ADGRL3: variants seen among roughly 807,000 people sequenced by gnomAD.
ADGRL3 encodes calcium-independent alpha-latrotoxin receptor 3.
A neutral mutation model predicts 153.5 loss-of-function variants in ADGRL3; 62 were observed. That is an observed-to-expected ratio of 0.40 (90% confidence interval 0.33 to 0.50). The LOEUF is 0.50. Ranked by LOEUF, ADGRL3 falls within the 20% of genes least tolerant of loss-of-function variation. The pLI, the probability that ADGRL3 is intolerant of heterozygous loss-of-function variation, is 0.47. For missense variants in ADGRL3, 1,641 were observed against 1,859.4 expected, an observed-to-expected ratio of 0.88 and a Z score of 2.16; for synonymous variants, 710 against 672.5, an observed-to-expected ratio of 1.06 and a Z score of -0.86.
chr4:61,511,344 G>A (rs541921780), intron 3 of ADGRL3, among the ~76,000 whole-genome samples: 11 of 152,278 alleles, frequency 7.2e-5, no homozygotes, highest in South Asian at 2.1e-4. Context: ...GCACTCTCCA[G>A]CCTGGTGACA....
At position 61,467,797 on chromosome 4, in the gene ADGRL3, A is replaced by G. The variant is rs576650270; in HGVS notation, c.-173-29324A>G. ...AAATATTGATGCAAAATGCCTAACTACATCATATTACTTGTTCTTTTCTTC... is the reference window on the plus strand; with the variant it reads ...AAATATTGATGCAAAATGCCTAACTGCATCATATTACTTGTTCTTTTCTTC... On this transcript the variant is annotated intron_variant, in intron 2 of 26. Coordinates refer to ENST00000683033, the MANE Select transcript of ADGRL3 (RefSeq NM_001387552.1). Among the ~76,000 whole-genome samples the G allele has an allele frequency of 2.0e-4, 30 of 152,286 alleles. No individual in the cohort carries two copies. The South Asian group carries it at 2.9e-3, about 15-fold the overall frequency.
chr4:61,822,212 A>C (rs1410270568), intron 9 of ADGRL3, among the ~76,000 whole-genome samples: 1 of 152,204 alleles, frequency 6.6e-6, no homozygotes, highest in East Asian at 1.9e-4. Flanking sequence ...CTGTGTTCCT[A>C]TGCTTGTAAA....
At chr4:61,473,495 A>G (rs1241727640) in intron 2 of ADGRL3, among the ~76,000 whole-genome samples, 2 of 152,066 alleles carry the variant, frequency 1.3e-5, no homozygotes, top group Non-Finnish European at 2.9e-5. Flanking sequence ...ACATGGATCC[A>G]GCACTTACTT....
At chr4:61,593,000 G>A (rs1358564449) in intron 5 of ADGRL3, among the ~76,000 whole-genome samples, 18 of 151,980 alleles carry the variant, frequency 1.2e-4, no homozygotes, top group Non-Finnish European at 2.9e-5. Flanking sequence ...TCTTTTCTGT[G>A]TATCCATTGC....
At chr4:62,005,399 C>G (rs1412311818) in intron 21 of ADGRL3, among the ~76,000 whole-genome samples, 2 of 152,130 alleles carry the variant, frequency 1.3e-5, no homozygotes, top group African/African-American at 4.8e-5. Flanking sequence ...TGAAGGATGA[C>G]TGCCATAGGC....
At chr4:61,799,418 CTTTCTA>C (rs1297900428) in intron 8 of ADGRL3, among the ~76,000 whole-genome samples, 1 of 151,886 alleles carries the variant, frequency 6.6e-6, no homozygotes, top group Non-Finnish European at 1.5e-5. Flanking sequence ...TCCTCTTTCT[CTTTCTA>C]TAACTACTTC....
Position 61,466,847 on chromosome 4 carries a change from AT to A in ADGRL3, c.-173-30264del, listed in dbSNP as rs994563377. 1.9e-4 allele frequency among the ~76,000 whole-genome samples: 28 copies of A among 150,858 alleles called. 1 individual carries two copies. The highest frequency in any genetic ancestry group is 6.1e-4 in the African/African-American group (25 of 41,146). The stretch of plus-strand genomic sequence containing the variant: ...TGGTTATTTTAGACAAGCTCCTAGA[AT>A]TTTTTTTTTATCTTGAGTGGCCACA... On this transcript the variant is annotated intron_variant, in intron 2 of 26. Coordinates refer to ENST00000683033, the MANE Select transcript of ADGRL3 (RefSeq NM_001387552.1).
At position 61,700,409 on chromosome 4, in the gene ADGRL3, A is replaced by C. The variant is rs538913132; in HGVS notation, c.583+23474A>C. On this transcript the variant is annotated intron_variant, in intron 6 of 26. Transcript: ENST00000683033. ...TTTTGATTGAAGAGTATTACTTGTC[A>C]GTTTAAAAGAAGACAAAAGTATTAC... Among the ~76,000 whole-genome samples the C allele has an allele frequency of 2.6e-5, 4 of 152,324 alleles. No homozygotes were observed. In the South Asian group the frequency reaches 8.3e-4, roughly 32 times the overall value.
At chr4:61,900,516 G>A (rs1376311) in intron 11 of ADGRL3, among the ~76,000 whole-genome samples, 7,725 of 152,084 alleles carry the variant, frequency 0.051, 319 homozygotes, top group East Asian at 0.19. Context: ...TAAACTAGCT[G>A]GAATACATTC....
At chr4:61,430,376 T>C (rs568636569) in intron 2 of ADGRL3, among the ~76,000 whole-genome samples, 1 of 152,258 alleles carries the variant, frequency 6.6e-6, no homozygotes, top group African/African-American at 2.4e-5. Context: ...TTGCATTTAA[T>C]TATGTCCTAA....
intron 6 of ADGRL3, among the ~76,000 whole-genome samples, chr4:61,716,003 C>G (rs2096106496): frequency 6.9e-6 from 1 of 145,238 alleles, no homozygotes; most frequent in Admixed American, 6.9e-5. Context: ...AGGAAAAGTA[C>G]TATTTCTACC....
intron 4 of ADGRL3, among the ~76,000 whole-genome samples, chr4:61,548,307 G>C (rs533173374): frequency 1.3e-5 from 2 of 152,058 alleles, no homozygotes; most frequent in African/African-American, 2.4e-5. Context: ...GTCAATTTTT[G>C]TTGTTGTTGC....
chr4:61,362,457 T>C (rs949113343), intron 1 of ADGRL3, among the ~76,000 whole-genome samples: 3 of 152,028 alleles, frequency 2.0e-5, no homozygotes, highest in Admixed American at 2.0e-4. Context: ...TGAGAATAAC[T>C]TCTTCCTCCT....
At chr4:61,889,732 C>T (rs2098558641) in intron 9 of ADGRL3, among the ~76,000 whole-genome samples, 1 of 152,104 alleles carries the variant, frequency 6.6e-6, no homozygotes, top group South Asian at 2.1e-4. Context: ...TGCTAAAATA[C>T]ATATATCACA....
chr4:61,611,253 A>G lies in ADGRL3; in HGVS notation c.473+23813A>G, dbSNP rs551828674. ...AGATGAGATGCGGAAGAACCCTTAC[A>G]GGTACTCAAAACAATGGCCTAGAAA... On this transcript the variant is annotated intron_variant, in intron 5 of 26. Transcript: ENST00000683033. Among the ~76,000 whole-genome samples, 40 of 152,228 alleles carry G rather than the reference A, an allele frequency of 2.6e-4. No homozygotes were observed. The South Asian group carries it at 8.1e-3, about 31-fold the overall frequency.
intron 9 of ADGRL3, among the ~76,000 whole-genome samples, chr4:61,847,531 C>T (rs1419274101): frequency 7.5e-6 from 1 of 133,052 alleles, no homozygotes; most frequent in Non-Finnish European, 1.5e-5. Context: ...ATCATAGGAG[C>T]CTGTTGTTTA....
At chr4:61,370,897 T>C (rs918390408) in intron 1 of ADGRL3, among the ~76,000 whole-genome samples, 1 of 151,590 alleles carries the variant, frequency 6.6e-6, no homozygotes, top group African/African-American at 2.4e-5. Context: ...GGACTTGCTT[T>C]ATGAATCTGG....
chr4:61,571,147 A>G (rs2098836896), intron 4 of ADGRL3, among the ~76,000 whole-genome samples: 1 of 152,054 alleles, frequency 6.6e-6, no homozygotes, highest in African/African-American at 2.4e-5. Context: ...GGAGACCATA[A>G]ACACAAGATA....
chr4:61,810,886 A>G (rs2097607735), intron 8 of ADGRL3, among the ~76,000 whole-genome samples: 1 of 152,102 alleles, frequency 6.6e-6, no homozygotes, highest in East Asian at 1.9e-4. Flanking sequence ...ACTCAGGGAG[A>G]TTGTTCCTTT....
Sources: allele counts gnomAD v4.1 joint callset (sites outside exome capture counted in the v4.1 genomes callset), GRCh38; gene constraint gnomAD v4.1.1; transcripts MANE v1.5; gene names NCBI Gene and HGNC (gene_info 2026-07-23, HGNC 2026-07-21).